Variants in GRID2 observed in about 807,000 individuals in gnomAD.
The protein encoded by GRID2 is glutamate receptor ionotropic, delta-2.
GRID2 carries 33 observed loss-of-function variants against 114.8 expected under a neutral mutation model. The ratio of observed to expected loss-of-function variants is 0.29; its 90% CI spans 0.22 to 0.38. GRID2 has a LOEUF of 0.38. GRID2 is among the 10% of genes least tolerant of loss of function. The pLI is 1.00. For missense variants in GRID2, 1,184 were observed against 1,257.7 expected (o/e 0.94, Z 0.89); for synonymous variants, 505 against 449.9 (o/e 1.12, Z -1.55).
At chr4:92,987,804 CTCTAAT>C (rs1436702367) in intron 2 of GRID2, among the ~76,000 whole-genome samples, 1 of 151,954 alleles carries the variant, frequency 6.6e-6, no homozygotes, top group Non-Finnish European at 1.5e-5. Context: ...TGCCAACTCT[CTCTAAT>C]TATAACTGTT....
At chr4:93,209,864 T>C (rs976337065) in intron 5 of GRID2, among the ~76,000 whole-genome samples, 5 of 152,120 alleles carry the variant, frequency 3.3e-5, no homozygotes, top group African/African-American at 1.2e-4. Flanking sequence ...GATGTTGAGC[T>C]TTCTTTCATA....
At chr4:93,055,003 A>G (rs1002159113) in intron 2 of GRID2, among the ~76,000 whole-genome samples, 3 of 151,940 alleles carry the variant, frequency 2.0e-5, no homozygotes, top group African/African-American at 7.2e-5. Context: ...ACTATTATCT[A>G]ATATTGTGAT....
intron 1 of GRID2, among the ~76,000 whole-genome samples, chr4:92,436,086 G>C (rs1732721769): frequency 6.6e-6 from 1 of 152,164 alleles, no homozygotes; most frequent in Admixed American, 6.5e-5. Flanking sequence ...TGTCTTCATA[G>C]TGAAAGGAAT....
intron 1 of GRID2, among the ~76,000 whole-genome samples, chr4:92,449,472 G>A (rs1720770969): frequency 1.3e-5 from 2 of 151,428 alleles, no homozygotes; most frequent in African/African-American, 4.8e-5. Context: ...TTTTCCATGT[G>A]TGGGAAATAC....
intron 1 of GRID2, among the ~76,000 whole-genome samples, chr4:92,396,669 A>G (rs544470979): frequency 6.6e-6 from 1 of 152,170 alleles, no homozygotes; most frequent in Non-Finnish European, 1.5e-5. Flanking sequence ...ATAAATCGTA[A>G]TTATTAAAGA....
At chr4:92,318,290 G>GTGTATATATATATA (rs369526929) in intron 1 of GRID2, among the ~76,000 whole-genome samples, 3 of 104,108 alleles carry the variant, frequency 2.9e-5, no homozygotes, top group Admixed American at 1.0e-4. Context: ...ATATATGTGT[G>GTGTATATATATATA]TATATATATA....
chr4:92,400,266 C>T (rs1473771304), intron 1 of GRID2, among the ~76,000 whole-genome samples: 1 of 152,092 alleles, frequency 6.6e-6, no homozygotes, highest in African/African-American at 2.4e-5. Flanking sequence ...TCCCGTTCAC[C>T]TCTCCCTCCA....
chr4:92,642,875 C>T (rs1731427922), intron 2 of GRID2, among the ~76,000 whole-genome samples: 1 of 151,370 alleles, frequency 6.6e-6, no homozygotes, highest in Admixed American at 6.6e-5. Flanking sequence ...CTTCTGCATG[C>T]TTGTTTATCT....
At chr4:92,665,615 T>A (rs149136225) in intron 2 of GRID2, among the ~76,000 whole-genome samples, 10 of 151,346 alleles carry the variant, frequency 6.6e-5, no homozygotes, top group Admixed American at 3.3e-4. Flanking sequence ...GCCAATCTAG[T>A]GGTTATAAAC....
chr4:92,691,735 T>A (rs1486667466), intron 2 of GRID2, among the ~76,000 whole-genome samples: 1 of 152,196 alleles, frequency 6.6e-6, no homozygotes, highest in Non-Finnish European at 1.5e-5. Context: ...CTGGGAAACT[T>A]TTTATTCTAA....
At chr4:93,277,817 A>G (rs1752216067) in intron 8 of GRID2, among the ~76,000 whole-genome samples, 1 of 151,936 alleles carries the variant, frequency 6.6e-6, no homozygotes, top group African/African-American at 2.4e-5. Context: ...TGTCTGGAAT[A>G]GTAAGTATTT....
At chr4:92,558,042 T>C (rs536232049) in intron 1 of GRID2, among the ~76,000 whole-genome samples, 1 of 152,270 alleles carries the variant, frequency 6.6e-6, no homozygotes, top group East Asian at 1.9e-4. Flanking sequence ...CTCCATTCTA[T>C]TTTTGGAGCC....
chr4:92,515,277 A>G (rs535418664), intron 1 of GRID2, among the ~76,000 whole-genome samples: 24 of 152,036 alleles, frequency 1.6e-4, no homozygotes, highest in African/African-American at 5.8e-4. Context: ...TTGAAATCCA[A>G]TTAACACAAG....
chr4:92,356,350 T>A (rs984093393), intron 1 of GRID2, among the ~76,000 whole-genome samples: 20 of 151,494 alleles, frequency 1.3e-4, no homozygotes, highest in Non-Finnish European at 2.7e-4. Flanking sequence ...CAAACTGTTC[T>A]TTGCCTTTAG....
intron 8 of GRID2, among the ~76,000 whole-genome samples, chr4:93,309,570 AAAG>A (rs1161579049): frequency 7.9e-5 from 12 of 151,806 alleles, no homozygotes; most frequent in Admixed American, 3.9e-4. Context: ...AATAAATAAA[AAAG>A]AAGAAGAATT....
At chr4:92,960,634 T>C (rs61233284) in intron 2 of GRID2, among the ~76,000 whole-genome samples, 21,279 of 152,036 alleles carry the variant, frequency 0.14, 1,985 homozygotes, top group African/African-American at 0.26. Flanking sequence ...TGTATTTATA[T>C]TTAGGGTAAG....
rs535164725 is a variant in GRID2, at chr4:92,571,278, G to C, written c.89-18853G>C. Among the ~76,000 whole-genome samples the C allele has an allele frequency of 1.3e-4, 19 of 151,966 alleles. No individual in the cohort carries two copies. The South Asian group carries it at 3.9e-3, about 32-fold the overall frequency. ...TGATTTGCCAACAAAGATCAAAAGAGACAAAGAAGGCCATTACATAATGGT... is the reference window on the plus strand; with the variant it reads ...TGATTTGCCAACAAAGATCAAAAGACACAAAGAAGGCCATTACATAATGGT... On this transcript the variant is annotated intron_variant, in intron 1 of 15. Coordinates refer to ENST00000282020, the MANE Select transcript of GRID2 (RefSeq NM_001510.4).
chr4:93,068,483 G>A (rs1229306162), intron 2 of GRID2, among the ~76,000 whole-genome samples: 1 of 151,948 alleles, frequency 6.6e-6, no homozygotes, highest in Non-Finnish European at 1.5e-5. Context: ...TCTAACTCTC[G>A]TTAAAACAAT....
chr4:93,270,177 A>G (rs1751283419), intron 8 of GRID2, among the ~76,000 whole-genome samples: 1 of 151,266 alleles, frequency 6.6e-6, no homozygotes. Flanking sequence ...ACCAAAGCAG[A>G]TAGGACTTCA....
Sources: allele counts gnomAD v4.1 joint callset (sites outside exome capture counted in the v4.1 genomes callset), GRCh38; gene constraint gnomAD v4.1.1; transcripts MANE v1.5; gene names NCBI Gene and HGNC (gene_info 2026-07-23, HGNC 2026-07-21).